Variants in HPS3 observed in about 807,000 individuals in gnomAD.
The protein encoded by HPS3 is BLOC-2 complex member HPS3.
Under a neutral mutation model 110.9 loss-of-function variants are expected in HPS3, and 79 were observed. The observed-to-expected ratio is 0.71, with a 90% CI of 0.59 to 0.86. The LOEUF is 0.86. HPS3 is among the 40% of genes least tolerant of loss of function. The pLI is 0.00. For missense variants in HPS3, 1,197 were observed against 1,206.2 expected, an observed-to-expected ratio of 0.99 and a Z score of 0.11; for synonymous variants, 428 against 451.0, an observed-to-expected ratio of 0.95 and a Z score of 0.65.
Position 149,150,550 on chromosome 3 carries a change from G to A in HPS3, c.1164-49G>A, listed in dbSNP as rs368182991. On this transcript the variant is annotated intron_variant, in intron 5 of 16. Transcript: ENST00000296051. Reference sequence around the variant, plus strand: ...GTGAAACCCTCCCTGCTGTGGGTATGTTGGTTCTTGGCCTCACTTTGCTCA... The same window carrying A: ...GTGAAACCCTCCCTGCTGTGGGTATATTGGTTCTTGGCCTCACTTTGCTCA... 1.6e-5 allele frequency: 24 copies of A among 1,482,760 alleles called. No homozygotes were observed. In the South Asian group the frequency reaches 1.8e-4, roughly 11 times the overall value. 91.9% of individuals were successfully genotyped at this position (1,482,760 alleles called of 1,614,324 possible).
At chr3:149,157,295 A>C in intron 8 of HPS3, 55 bp from the exon 9 acceptor site, 1 of 1,457,802 alleles carries the variant, frequency 6.9e-7, no homozygotes, top group Non-Finnish European at 9.6e-7. Context: ...TTAAGAACTC[A>C]GGAACTTTTG....
intron 6 of HPS3, 70 bp from the exon 7 acceptor site, chr3:149,153,424 G>A (rs1363981214): frequency 7.6e-7 from 1 of 1,313,120 alleles, no homozygotes; most frequent in Non-Finnish European, 1.1e-6. Flanking sequence ...CAAATAAACT[G>A]ACTGATTTTT....
chr3:149,163,929 G>A lies in HPS3; in HGVS notation c.2569G>A (p.Glu857Lys). 1 of 1,534,872 alleles carries A rather than the reference G, an allele frequency of 6.5e-7. No homozygotes were observed. The highest frequency in any genetic ancestry group is 1.7e-5 in the Admixed American group (1 of 59,784). Reference sequence around the variant, plus strand: ...TTCTTTAGCTGATAAAAATTATACAGAAGATCTTTCAAAATTACAGGTAAG... The same window carrying A: ...TTCTTTAGCTGATAAAAATTATACAAAAGATCTTTCAAAATTACAGGTAAG... ...SDSLADKNYT[E>K]DLSKLQSLIC... Residue 857 changes from glutamate (E) to lysine (K), a missense_variant, in exon 14 of 17, where the codon GAA (glutamate) becomes AAA (lysine). Glu to Lys is a moderately conservative substitution (Grantham distance 56). Transcript: ENST00000296051.
chr3:149,140,796 A>G (rs1023178089), intron 2 of HPS3, among the ~76,000 whole-genome samples: 36 of 152,298 alleles, frequency 2.4e-4, no homozygotes, highest in African/African-American at 8.7e-4. Context: ...TCTGAGTTTC[A>G]ACATCCTCAT....
intron 16 of HPS3, among the ~76,000 whole-genome samples, chr3:149,170,932 T>C (rs1190097157): frequency 6.6e-6 from 1 of 152,172 alleles, no homozygotes; most frequent in African/African-American, 2.4e-5. Context: ...TAAGAAGCTG[T>C]AGAATCATAA....
At chr3:149,165,413 A>G (rs1218048678) in intron 14 of HPS3, among the ~76,000 whole-genome samples, 2 of 152,180 alleles carry the variant, frequency 1.3e-5, no homozygotes, top group Non-Finnish European at 2.9e-5. Context: ...TTAAAGGAGG[A>G]AAATCTTTGC....
rs1724525602 is a variant in HPS3, at chr3:149,167,328, T to A, written c.2796+88T>A. On this transcript the variant is annotated intron_variant, in intron 15 of 16. Transcript: ENST00000296051. ...TTCCTTTCCTGCAAAATGGGGACAA[T>A]TTATGCTAATCCAACATCATAAGGC... The A allele has an allele frequency of 5.9e-6, 6 of 1,009,780 alleles. 1 individual carries two copies. In the South Asian group the frequency reaches 8.2e-5, roughly 14 times the overall value. 62.6% of individuals were successfully genotyped at this position (1,009,780 alleles called of 1,614,324 possible). A position where few individuals can be genotyped will look rare whatever the true frequency, so the allele number is the denominator to read the frequency against.
intron 6 of HPS3, 114 bp from the exon 7 acceptor site, chr3:149,153,379 TG>T: frequency 1.2e-6 from 1 of 861,446 alleles, no homozygotes; most frequent in Non-Finnish European, 1.9e-6. Context: ...TTGGTGGTGG[TG>T]GGTATGGGAT....
At chr3:149,132,911 A>G (rs1721861134) in intron 1 of HPS3, among the ~76,000 whole-genome samples, 1 of 152,226 alleles carries the variant, frequency 6.6e-6, no homozygotes, top group Non-Finnish European at 1.5e-5. Context: ...GGTGGATGAA[A>G]TAACAGTAGA....
intron 7 of HPS3, chr3:149,154,009 C>A: frequency 4.6e-6 from 1 of 217,520 alleles, no homozygotes; most frequent in Non-Finnish European, 9.1e-6. Flanking sequence ...TCAGTTGTTA[C>A]ATTTTTATCT....
rs377137645 is a variant in HPS3 at position 149,158,674 on chromosome 3, C to T, written c.1700C>T (p.Ser567Phe). 52 of 1,613,472 alleles carry T rather than the reference C, an allele frequency of 3.2e-5. No individual in the cohort carries two copies. Among genetic ancestry groups the T allele is most frequent in the African/African-American group, 5.3e-5 (4 of 74,872 alleles). ...CATTTCCTTCCCTTTAGGCTTGACT[C>T]CCAGCATTCTCATCTCACCTTGCCA... ...HLGDCYSRLD[S>F]QHSHLTLPYY... is the part of the protein sequence containing the mutation. The change falls in exon 10 of 17, where the codon TCC becomes TTC. Residue 567 changes from serine to phenylalanine, a missense_variant. Physicochemically the swap from Ser to Phe is radical, Grantham distance 155 (BLOSUM62 -2). Coordinates refer to ENST00000296051, the MANE Select transcript of HPS3 (RefSeq NM_032383.5).
chr3:149,167,230 A>G lies in HPS3; in HGVS notation c.2786A>G (p.Glu929Gly). 6.2e-7 allele frequency: 1 copy of G among 1,612,440 alleles called. No homozygotes were observed. Among genetic ancestry groups the G allele is most frequent in the African/African-American group, 1.3e-5 (1 of 75,016 alleles). The stretch of plus-strand genomic sequence containing the variant: ...CCATATGCTAATCATGAACTGAAAG[A>G]AGAGAACCGGGTATGCTTTTTCAGA... ...VIPYANHELK[E>G]ENRTLWWKKL... is the part of the protein sequence containing the mutation. Residue 929 changes from glutamate (E) to glycine (G), a missense_variant, in exon 15 of 17, where the codon GAA becomes GGA. By Grantham distance (98) the Glu-to-Gly change is moderately conservative. Coordinates refer to ENST00000296051, the MANE Select transcript of HPS3 (RefSeq NM_032383.5).
chr3:149,164,180 G>C (rs1576699300), intron 14 of HPS3, among the ~76,000 whole-genome samples: 1 of 152,110 alleles, frequency 6.6e-6, no homozygotes, highest in South Asian at 2.1e-4. Flanking sequence ...GTGGATGAAC[G>C]AACTTCACCA....
intron 11 of HPS3, among the ~76,000 whole-genome samples, chr3:149,160,907 A>G (rs996530130): frequency 6.6e-6 from 1 of 152,212 alleles, no homozygotes; most frequent in African/African-American, 2.4e-5. Flanking sequence ...GCTATAGGGT[A>G]GGAGTATTAT....
chr3:149,159,782 A>G (rs1244083054), intron 10 of HPS3, among the ~76,000 whole-genome samples: 2 of 152,162 alleles, frequency 1.3e-5, no homozygotes, highest in African/African-American at 4.8e-5. Context: ...TGAAGTGTTA[A>G]AATTAGAAAC....
Position 149,150,581 on chromosome 3 carries a change from CTG to C in HPS3, c.1164-14_1164-13del. The C allele has an allele frequency of 6.2e-7, 1 of 1,611,568 alleles. No individual in the cohort carries two copies. The highest frequency in any genetic ancestry group is 8.5e-7 in the Non-Finnish European group (1 of 1,177,790). On this transcript the variant is annotated splice_polypyrimidine_tract_variant and intron_variant, in intron 5 of 16. Transcript: ENST00000296051. ...TCTTGGCCTCACTTTGCTCAGCAGCCTGTGTCTTCCTCCTCAGTAACAACCTG... is the reference window on the plus strand; with the variant it reads ...TCTTGGCCTCACTTTGCTCAGCAGCCTGTCTTCCTCCTCAGTAACAACCTG...
intron 1 of HPS3, chr3:149,130,286 C>A (rs7643410): frequency 1.1e-5 from 4 of 367,278 alleles, no homozygotes; most frequent in Admixed American, 4.3e-5. Context: ...CAAAGACTTA[C>A]CAAAAAAACA....
At chr3:149,140,946 C>A in intron 2 of HPS3, 71 bp from the exon 3 acceptor site, 1 of 1,343,718 alleles carries the variant, frequency 7.4e-7, no homozygotes, top group Non-Finnish European at 1.1e-6. Context: ...TACTATATGT[C>A]TAATTGGTGA....
Position 149,145,608 on chromosome 3 carries a change from T to G in HPS3, c.1163+62T>G, listed in dbSNP as rs11715291. The G allele has an allele frequency of 0.22, 278,427 of 1,252,560 alleles. 33,873 individuals carry two copies. Among genetic ancestry groups the G allele is most frequent in the African/African-American group, 0.43 (28,674 of 67,420 alleles). The allele number at this position is 1,252,560 out of a possible 1,614,324, so 77.6% of individuals were successfully genotyped here. ...CTTATTTGTAAATTTTTGAGGTACT[T>G]CCTAAATCTGTGAGAATTGTGTGAA... On this transcript the variant is annotated intron_variant, in intron 5 of 16. Transcript: ENST00000296051.
Sources: allele counts gnomAD v4.1 joint callset (sites outside exome capture counted in the v4.1 genomes callset), GRCh38; gene constraint gnomAD v4.1.1; transcripts MANE v1.5; gene names NCBI Gene and HGNC (gene_info 2026-07-23, HGNC 2026-07-21).